Variants in GABRG3 observed in about 807,000 individuals in gnomAD.
GABRG3 encodes the protein gamma-aminobutyric acid type A receptor subunit gamma3, also known as gamma-aminobutyric acid receptor subunit gamma-3.
Under a neutral mutation model 48.8 loss-of-function variants are expected in GABRG3, and 25 were observed. That is an observed-to-expected ratio of 0.51 (90% CI 0.37 to 0.72). The LOEUF (loss-of-function observed/expected upper bound fraction) is 0.72. GABRG3 is among the 30% of genes least tolerant of loss of function. GABRG3 has a pLI of 0.00. For synonymous variants in GABRG3, 227 were observed against 217.6 expected (o/e 1.04, Z -0.38); for missense variants, 394 against 577.9 (o/e 0.68, Z 3.26).
At chr15:27,150,633 C>T (rs889388166) in intron 3 of GABRG3, among the ~76,000 whole-genome samples, 1 of 152,184 alleles carries the variant, frequency 6.6e-6, no homozygotes, top group African/African-American at 2.4e-5. Context: ...CACTACTAAC[C>T]CTTGCCATTT....
chr15:27,397,878 C>T (rs1379138775), intron 5 of GABRG3, among the ~76,000 whole-genome samples: 1 of 150,618 alleles, frequency 6.6e-6, no homozygotes, highest in Non-Finnish European at 1.5e-5. Context: ...GATCTCGGCT[C>T]ACTGCAAGCT....
chr15:27,372,265 T>C (rs557686846), intron 5 of GABRG3, among the ~76,000 whole-genome samples: 1 of 152,232 alleles, frequency 6.6e-6, no homozygotes. Flanking sequence ...ATAATACTTG[T>C]ATGTGTTTTG....
chr15:27,380,281 T>A (rs1595715263), intron 5 of GABRG3, among the ~76,000 whole-genome samples: 1 of 152,294 alleles, frequency 6.6e-6, no homozygotes, highest in East Asian at 1.9e-4. Context: ...CATCTGTTTT[T>A]ACATGTTGTC....
chr15:27,205,160 T>C (rs533635410), intron 3 of GABRG3, among the ~76,000 whole-genome samples: 2 of 152,268 alleles, frequency 1.3e-5, no homozygotes, highest in Non-Finnish European at 2.9e-5. Context: ...GCTTCCAGCT[T>C]TTACCCATTC....
intron 3 of GABRG3, among the ~76,000 whole-genome samples, chr15:27,171,308 A>G (rs1400867425): frequency 6.6e-6 from 1 of 152,130 alleles, no homozygotes; most frequent in African/African-American, 2.4e-5. Flanking sequence ...CTTTCACTTT[A>G]TTTCACCTTG....
At chr15:27,250,743 T>C (rs986538134) in intron 3 of GABRG3, among the ~76,000 whole-genome samples, 3 of 152,194 alleles carry the variant, frequency 2.0e-5, no homozygotes, top group African/African-American at 7.2e-5. Context: ...AGCACTACTT[T>C]AGACAGTGCC....
chr15:27,281,609 G>A (rs530549214), intron 3 of GABRG3, among the ~76,000 whole-genome samples: 1 of 151,186 alleles, frequency 6.6e-6, no homozygotes, highest in East Asian at 1.9e-4. Context: ...TTGGTACTTT[G>A]TATTTTTCGG....
intron 3 of GABRG3, among the ~76,000 whole-genome samples, chr15:27,300,678 CAAA>C (rs10600874): frequency 0.027 from 2,731 of 101,156 alleles, 67 homozygotes; most frequent in African/African-American, 0.076. Flanking sequence ...AATAAATAAG[CAAA>C]AAAAAAAAAA....
At chr15:27,261,660 T>C (rs1169986970) in intron 3 of GABRG3, among the ~76,000 whole-genome samples, 1 of 152,092 alleles carries the variant, frequency 6.6e-6, no homozygotes, top group Non-Finnish European at 1.5e-5. Flanking sequence ...ACATTTTTGT[T>C]GACAAAGACT....
intron 3 of GABRG3, among the ~76,000 whole-genome samples, chr15:27,249,857 C>T (rs758747336): frequency 6.6e-6 from 1 of 152,054 alleles, no homozygotes; most frequent in East Asian, 1.9e-4. Context: ...CTTCATAATT[C>T]AATTAGGTGC....
chr15:27,127,676 GT>G (rs1447017585), intron 3 of GABRG3, among the ~76,000 whole-genome samples: 1 of 152,156 alleles, frequency 6.6e-6, no homozygotes, highest in Non-Finnish European at 1.5e-5. Flanking sequence ...AGCAGTGTTT[GT>G]TTTGGTGACC....
chr15:27,272,113 G>A (rs1891110032), intron 3 of GABRG3, among the ~76,000 whole-genome samples: 1 of 152,220 alleles, frequency 6.6e-6, no homozygotes, highest in South Asian at 2.1e-4. Context: ...CCTGGGCAGG[G>A]TTTCCATCCA....
At chr15:27,449,622 G>T (rs549441271) in intron 5 of GABRG3, among the ~76,000 whole-genome samples, 1 of 152,244 alleles carries the variant, frequency 6.6e-6, no homozygotes, top group South Asian at 2.1e-4. Flanking sequence ...AAAACAAAAA[G>T]AAATATTTAA....
At chr15:27,351,978 T>A (rs1225167909) in intron 5 of GABRG3, among the ~76,000 whole-genome samples, 2 of 151,008 alleles carry the variant, frequency 1.3e-5, no homozygotes, top group African/African-American at 4.9e-5. Context: ...CTGTATAATG[T>A]GTGTGTATGG....
chr15:26,984,117 A>G (rs942355025), intron 2 of GABRG3, among the ~76,000 whole-genome samples: 2 of 152,134 alleles, frequency 1.3e-5, no homozygotes, highest in Non-Finnish European at 2.9e-5. Context: ...AACAATGATA[A>G]TACATTTTGA....
At chr15:27,381,826 G>T (rs374292993) in intron 5 of GABRG3, among the ~76,000 whole-genome samples, 1 of 152,118 alleles carries the variant, frequency 6.6e-6, no homozygotes, top group East Asian at 1.9e-4. Context: ...CAATATGTCT[G>T]CTTGGATGTG....
chr15:27,326,433 T>G (rs1394502714), intron 3 of GABRG3, among the ~76,000 whole-genome samples: 1 of 152,210 alleles, frequency 6.6e-6, no homozygotes, highest in Non-Finnish European at 1.5e-5. Context: ...GACACTATTA[T>G]GTTCCCCATT....
intron 5 of GABRG3, among the ~76,000 whole-genome samples, chr15:27,374,850 C>G (rs1478883687): frequency 6.6e-6 from 1 of 152,122 alleles, no homozygotes; most frequent in Non-Finnish European, 1.5e-5. Context: ...GGGAAAACTT[C>G]CCCATTGCTC....
intron 5 of GABRG3, among the ~76,000 whole-genome samples, chr15:27,344,840 A>G (rs961247012): frequency 6.6e-6 from 1 of 152,090 alleles, no homozygotes; most frequent in Non-Finnish European, 1.5e-5. Context: ...TTCTCTTTCA[A>G]TTCTTCCAGT....
Sources: gnomAD v4.1 joint callset for allele counts (sites outside exome capture counted in the v4.1 genomes callset) on GRCh38, gnomAD v4.1.1 for gene constraint, MANE v1.5 for transcripts, NCBI Gene and HGNC (gene_info 2026-07-23, HGNC 2026-07-21) for gene names.